The following CBL variants were observed in gnomAD, a reference collection of about 807,000 sequenced individuals.
CBL encodes E3 ubiquitin-protein ligase CBL.
Under a neutral mutation model 96.9 loss-of-function variants are expected in CBL, and 45 were observed. That is an observed-to-expected ratio of 0.46 (90% CI 0.37 to 0.60). The LOEUF is 0.60. CBL is among the 20% of genes least tolerant of loss of function. The pLI is 0.00. For synonymous variants in CBL, 420 were observed against 426.8 expected (o/e 0.98, Z 0.20); for missense variants, 1,024 against 1,143.5 (o/e 0.90, Z 1.51).
chr11:119,214,319 G>A (rs1439845099), intron 1 of CBL, among the ~76,000 whole-genome samples: 1 of 151,826 alleles, frequency 6.6e-6, no homozygotes, highest in Non-Finnish European at 1.5e-5. Flanking sequence ...TGCAATGAGT[G>A]GCGTGATCTC....
chr11:119,236,992 C>T (rs572199567), intron 2 of CBL, among the ~76,000 whole-genome samples: 1 of 152,254 alleles, frequency 6.6e-6, no homozygotes, highest in African/African-American at 2.4e-5. Context: ...ATTGCATGCC[C>T]TTCAGAGTAG....
rs529039198 is a variant in CBL at position 119,289,892 on chromosome 11, G to A, written c.2036+1946G>A. On this transcript the variant is annotated intron_variant, in intron 12 of 15. Transcript: ENST00000264033. Reference sequence around the variant, plus strand: ...TGAGTAACTGGGGCTCCAGGCATTCGCCACCATGCCTGGCTAGGTTTTTAA... The same window carrying A: ...TGAGTAACTGGGGCTCCAGGCATTCACCACCATGCCTGGCTAGGTTTTTAA... Among the ~76,000 whole-genome samples the A allele has an allele frequency of 4.4e-4, 67 of 151,932 alleles. No homozygotes were observed. In the South Asian group the frequency reaches 0.011, roughly 25 times the overall value.
At chr11:119,208,039 T>C (rs1156271040) in intron 1 of CBL, among the ~76,000 whole-genome samples, 1 of 152,228 alleles carries the variant, frequency 6.6e-6, no homozygotes, top group Non-Finnish European at 1.5e-5. Context: ...ATTGGTATTG[T>C]AATTAATGAC....
At chr11:119,215,263 C>T (rs1227519883) in intron 1 of CBL, among the ~76,000 whole-genome samples, 1 of 151,990 alleles carries the variant, frequency 6.6e-6, no homozygotes, top group Non-Finnish European at 1.5e-5. Context: ...TATAATGAAC[C>T]TGATAAATCA....
At chr11:119,282,532 A>G (rs1949944965) in intron 9 of CBL, among the ~76,000 whole-genome samples, 1 of 152,180 alleles carries the variant, frequency 6.6e-6, no homozygotes, top group South Asian at 2.1e-4. Context: ...TGTGCAGGAA[A>G]CACTGAGGAG....
intron 15 of CBL, 100 bp from the exon 16 acceptor site, chr11:119,299,395 C>T: frequency 8.9e-7 from 1 of 1,121,076 alleles, no homozygotes; most frequent in South Asian, 1.3e-5. Context: ...ACCCAGTTTA[C>T]AGGAAGTCAG....
At chr11:119,264,299 C>G (rs1201956990) in intron 2 of CBL, among the ~76,000 whole-genome samples, 2 of 152,118 alleles carry the variant, frequency 1.3e-5, no homozygotes, top group African/African-American at 2.4e-5. Flanking sequence ...CTTCAGCCAT[C>G]CTCCCATCTT....
chr11:119,262,816 G>T (rs913746147), intron 2 of CBL, among the ~76,000 whole-genome samples: 7 of 152,172 alleles, frequency 4.6e-5, no homozygotes, highest in African/African-American at 1.7e-4. Flanking sequence ...GTTAAATATA[G>T]ACTGGAGAGT....
rs369738308 is a variant in CBL, at chr11:119,302,173, G to C, written c.*2392G>C. 135 of 232,926 alleles carry C rather than the reference G, an allele frequency of 5.8e-4. 1 individual carries two copies. Among genetic ancestry groups the C allele is most frequent in the African/African-American group, 2.7e-3 (123 of 45,426 alleles). 14.4% of individuals were successfully genotyped at this position (232,926 alleles called of 1,614,324 possible). A position where few individuals can be genotyped will look rare whatever the true frequency, so the allele number is the denominator to read the frequency against. ...TGTTGTGTGTGTGTGCCATCCATGGGCTTGGGTGTCAGTTTGTCACAGGTA... is the reference window on the plus strand; with the variant it reads ...TGTTGTGTGTGTGTGCCATCCATGGCCTTGGGTGTCAGTTTGTCACAGGTA... On this transcript the variant is annotated 3_prime_UTR_variant, in exon 16 of 16. Transcript: ENST00000264033.
intron 2 of CBL, among the ~76,000 whole-genome samples, chr11:119,244,238 CAGTT>C (rs1038056792): frequency 3.3e-5 from 5 of 152,254 alleles, no homozygotes; most frequent in African/African-American, 4.8e-5. Context: ...TGAAAAGTCA[CAGTT>C]AGTTCTCAGC....
Position 119,285,200 on chromosome 11 carries a change from C to T in CBL, c.1575C>T (p.Gly525=), listed in dbSNP as rs948165809. The part of the protein sequence containing the change: ...ALGTASKAAS[G]SLHKDKPLPV... ...CCCTGCTTCCACAGGCTGCTTCTGG[C>T]TCCCTTCATAAAGACAAACCATTGC... is the stretch of plus-strand genomic sequence containing the variant. The change falls in exon 11 of 16, where the codon GGC becomes GGT. Residue 525 remains glycine, a synonymous_variant. Transcript: ENST00000264033. 3 of 1,614,132 alleles carry T rather than the reference C, an allele frequency of 1.9e-6. No homozygotes were observed. The highest frequency in any genetic ancestry group is 2.5e-6 in the Non-Finnish European group (3 of 1,180,030).
rs886047767 is a variant in CBL at position 119,206,339 on chromosome 11, C to T, written c.-79C>T. ...CGGCGGCGGCCGGGAGAGGCCCCTCCTTCACGCCCTGCTTCTCTCCCTCGC... is the reference window on the plus strand; with the variant it reads ...CGGCGGCGGCCGGGAGAGGCCCCTCTTTCACGCCCTGCTTCTCTCCCTCGC... On this transcript the variant is annotated 5_prime_UTR_variant, in exon 1 of 16. Transcript: ENST00000264033. 23 of 1,178,440 alleles carry T rather than the reference C, an allele frequency of 2.0e-5. No individual in the cohort carries two copies. The Admixed American group carries it at 4.0e-4, about 20-fold the overall frequency. The allele number at this position is 1,178,440 out of a possible 1,614,324, so 73.0% of individuals were successfully genotyped here.
intron 1 of CBL, among the ~76,000 whole-genome samples, chr11:119,220,563 C>T (rs1304058910): frequency 1.3e-5 from 2 of 152,144 alleles, no homozygotes; most frequent in African/African-American, 4.8e-5. Flanking sequence ...GACGCCACTG[C>T]ACTCCAATGT....
intron 12 of CBL, among the ~76,000 whole-genome samples, chr11:119,290,192 C>T (rs1034710076): frequency 7.9e-5 from 12 of 151,980 alleles, no homozygotes; most frequent in Non-Finnish European, 1.3e-4. Context: ...ACCACAGATG[C>T]GAACTACCAC....
At chr11:119,278,403 G>C in intron 8 of CBL, 106 bp downstream of exon 8, 1 of 1,550,266 alleles carries the variant, frequency 6.5e-7, no homozygotes, top group South Asian at 1.1e-5. Flanking sequence ...TTGGGGTTAG[G>C]TTTAAACTTT....
At position 119,285,487 on chromosome 11, in the gene CBL, C is replaced by G; in HGVS notation, c.1862C>G (p.Pro621Arg). 6.2e-7 allele frequency: 1 copy of G among 1,614,188 alleles called. No homozygotes were observed. The highest frequency in any genetic ancestry group is 8.5e-7 in the Non-Finnish European group (1 of 1,180,028). Reference sequence around the variant, plus strand: ...GAATTAACCAACCGGCACTCACTTCCATTTTCATTGCCCTCACAAATGGAG... The same window carrying G: ...GAATTAACCAACCGGCACTCACTTCGATTTTCATTGCCCTCACAAATGGAG... ...GRELTNRHSL[P>R]FSLPSQMEPR... is the part of the protein sequence containing the mutation. Residue 621 changes from proline to arginine, a missense_variant, in exon 11 of 16, where the codon CCA becomes CGA. Around this residue, in one of 4 missense-constraint regions of CBL, gnomAD observed 695 missense variants for 661.6 expected, o/e 1.05. Coordinates refer to ENST00000264033, the MANE Select transcript of CBL (RefSeq NM_005188.4).
chr11:119,299,369 A>AGT, intron 15 of CBL, 126 bp from the exon 16 acceptor site: 1 of 842,034 alleles, frequency 1.2e-6, no homozygotes. Flanking sequence ...CAGCCTTGTG[A>AGT]CTGAAGAGCA....
rs750572996 is a variant in CBL at position 119,206,476 on chromosome 11, C to T, written c.59C>T (p.Ser20Leu). 6 of 1,575,948 alleles carry T rather than the reference C, an allele frequency of 3.8e-6. No homozygotes were observed. The highest frequency in any genetic ancestry group is 2.3e-5 in the East Asian group (1 of 43,448). ...GAGGGSGSGG[S>L]GSGGLIGLMK... is the part of the protein sequence containing the mutation. ...GGGGGCGGCAGCGGCTCCGGGGGCT[C>T]GGGTTCGGGTGGCCTGATTGGGCTC... The change falls in exon 1 of 16, where the codon TCG (serine) becomes TTG (leucine). Residue 20 changes from serine (S) to leucine (L), a missense_variant. Ser to Leu is a moderately radical substitution (Grantham distance 145). This residue lies in a region of CBL where 114 missense variants were observed against 117.4 expected (regional missense o/e 0.97). Transcript: ENST00000264033.
At chr11:119,232,720 A>G (rs1949513471) in intron 2 of CBL, 25 bp downstream of exon 2, 1 of 1,609,332 alleles carries the variant, frequency 6.2e-7, no homozygotes, top group African/African-American at 1.3e-5. Flanking sequence ...CTACACAAAT[A>G]ATTATGCAGG....
Sources: allele counts gnomAD v4.1 joint callset (sites outside exome capture counted in the v4.1 genomes callset), GRCh38; gene constraint gnomAD v4.1.1; regional missense constraint gnomAD v4.1.1; transcripts MANE v1.5; gene names NCBI Gene and HGNC (gene_info 2026-07-23, HGNC 2026-07-21).